The following FRMD4A variants were observed in gnomAD, a reference collection of about 807,000 sequenced individuals.
FRMD4A encodes the protein FERM domain-containing protein 4A.
FRMD4A carries 29 observed loss-of-function variants against 129.1 expected under a neutral mutation model. That is an observed-to-expected ratio of 0.22 (90% CI 0.17 to 0.31). The LOEUF (loss-of-function observed/expected upper bound fraction) is 0.31. Ranked by LOEUF, FRMD4A falls within the 10% of genes least tolerant of loss-of-function variation. The pLI is 1.00. For missense variants in FRMD4A, 1,272 were observed against 1,375.8 expected, an observed-to-expected ratio of 0.92 and a Z score of 1.19; for synonymous variants, 634 against 571.6, an observed-to-expected ratio of 1.11 and a Z score of -1.56.
intron 2 of FRMD4A, among the ~76,000 whole-genome samples, chr10:14,040,443 G>C (rs1490928483): frequency 6.6e-6 from 1 of 152,188 alleles, no homozygotes; most frequent in Non-Finnish European, 1.5e-5. Context: ...GTGTAATGGA[G>C]AGACTCAATA....
chr10:14,161,960 G>C (rs1442928362), intron 2 of FRMD4A, among the ~76,000 whole-genome samples: 1 of 151,188 alleles, frequency 6.6e-6, no homozygotes, highest in Admixed American at 6.6e-5. Context: ...GGCAAAAAAA[G>C]GAATAGTTAA....
At chr10:14,031,603 C>T (rs1052374255) in intron 2 of FRMD4A, among the ~76,000 whole-genome samples, 1 of 152,160 alleles carries the variant, frequency 6.6e-6, no homozygotes. Context: ...AACAGACACA[C>T]AGGATTTAAA....
chr10:14,329,973 C>CA lies in FRMD4A; in HGVS notation c.45+84_45+85insT, dbSNP rs1843449541. The CA allele has an allele frequency of 6.4e-6, 8 of 1,251,790 alleles. No individual in the cohort carries two copies. The East Asian group carries it at 2.0e-4, about 32-fold the overall frequency. The allele number at this position is 1,251,790 out of a possible 1,614,324, so 77.5% of individuals were successfully genotyped here. A position where few individuals can be genotyped will look rare whatever the true frequency, so the allele number is the denominator to read the frequency against. ...GGAGCAATGTTGAACATGTCTGCAGCCACTGCAGCGGCAGCAGCAGCCCAC... is the reference window on the plus strand; with the variant it reads ...GGAGCAATGTTGAACATGTCTGCAGCACACTGCAGCGGCAGCAGCAGCCCAC... On this transcript the variant is annotated intron_variant, in intron 2 of 24. Coordinates refer to ENST00000357447, the MANE Select transcript of FRMD4A (RefSeq NM_018027.5).
At chr10:14,013,628 C>A (rs937609508) in intron 2 of FRMD4A, among the ~76,000 whole-genome samples, 1 of 152,126 alleles carries the variant, frequency 6.6e-6, no homozygotes, top group African/African-American at 2.4e-5. Flanking sequence ...CCATTAGTCC[C>A]AGAGAAAACC....
rs1033996442 is a variant in FRMD4A at position 13,656,759 on chromosome 10, G to A, written c.2830C>T (p.Arg944Cys). The A allele has an allele frequency of 7.5e-6, 12 of 1,599,084 alleles. No homozygotes were observed. Among genetic ancestry groups the A allele is most frequent in the Admixed American group, 5.1e-5 (3 of 58,474 alleles). ...GAGGTGGAGCTGGTGTGCGACAGGCGGCTGTGCTCCTTGTGCGAGGCGGTG... is the reference window on the plus strand; with the variant it reads ...GAGGTGGAGCTGGTGTGCGACAGGCAGCTGTGCTCCTTGTGCGAGGCGGTG... Reference protein sequence around the residue: ...RSTASHKEHSRLSHTSSTSSD... With the variant: ...RSTASHKEHSCLSHTSSTSSD... Residue 944 changes from arginine (R) to cysteine (C), a missense_variant, in exon 22 of 25, where the codon CGC becomes TGC. Arg to Cys is a radical substitution (Grantham distance 180, BLOSUM62 -3). Coordinates refer to ENST00000357447, the MANE Select transcript of FRMD4A (RefSeq NM_018027.5).
At chr10:14,130,496 G>C (rs555654522) in intron 2 of FRMD4A, among the ~76,000 whole-genome samples, 3 of 152,036 alleles carry the variant, frequency 2.0e-5, no homozygotes, top group African/African-American at 7.2e-5. Flanking sequence ...AACAATCCTC[G>C]CACCCCGGCC....
chr10:13,929,026 CCTTTT>C (rs2095165803), intron 2 of FRMD4A, among the ~76,000 whole-genome samples: 1 of 152,180 alleles, frequency 6.6e-6, no homozygotes, highest in African/African-American at 2.4e-5. Flanking sequence ...CGCTTGGCAC[CCTTTT>C]CTTTTTGCGC....
chr10:13,846,192 C>T (rs2094042804), intron 3 of FRMD4A, among the ~76,000 whole-genome samples: 1 of 152,320 alleles, frequency 6.6e-6, no homozygotes, highest in African/African-American at 2.4e-5. Context: ...TTTCCCAAAG[C>T]ATTTGAAATA....
chr10:14,018,674 C>A (rs927491181), intron 2 of FRMD4A, among the ~76,000 whole-genome samples: 2 of 151,956 alleles, frequency 1.3e-5, no homozygotes, highest in Non-Finnish European at 2.9e-5. Context: ...GCCAAGAGAG[C>A]AGGTACAAGA....
intron 3 of FRMD4A, among the ~76,000 whole-genome samples, chr10:13,826,392 ACTTT>A (rs1173497785): frequency 6.6e-6 from 1 of 152,122 alleles, no homozygotes; most frequent in Non-Finnish European, 1.5e-5. Flanking sequence ...TACACAGCAT[ACTTT>A]CTTATTCCCA....
chr10:13,798,618 G>A (rs1288099591), intron 4 of FRMD4A, among the ~76,000 whole-genome samples: 3 of 152,224 alleles, frequency 2.0e-5, no homozygotes, highest in Non-Finnish European at 4.4e-5. Flanking sequence ...TCAGGAGGCT[G>A]AAGCAGGAGA....
chr10:13,658,515 G>T (rs1401720258), intron 21 of FRMD4A, among the ~76,000 whole-genome samples: 7 of 152,196 alleles, frequency 4.6e-5, no homozygotes, highest in African/African-American at 1.4e-4. Flanking sequence ...TCCCACTTCC[G>T]ACTGCCACTC....
At chr10:14,005,213 AG>A (rs2095657864) in intron 2 of FRMD4A, among the ~76,000 whole-genome samples, 1 of 152,066 alleles carries the variant, frequency 6.6e-6, no homozygotes, top group African/African-American at 2.4e-5. Context: ...TAGTACAGAC[AG>A]GGTTTCACCA....
At chr10:13,946,816 A>G (rs910137569) in intron 2 of FRMD4A, among the ~76,000 whole-genome samples, 1 of 152,094 alleles carries the variant, frequency 6.6e-6, no homozygotes, top group African/African-American at 2.4e-5. Flanking sequence ...CCATGTGTCT[A>G]TCTCTCGATG....
intron 2 of FRMD4A, among the ~76,000 whole-genome samples, chr10:14,134,111 A>G (rs1839405848): frequency 6.6e-6 from 1 of 152,200 alleles, no homozygotes; most frequent in Non-Finnish European, 1.5e-5. Flanking sequence ...TTTCTGGTAA[A>G]TAGTCTTGTG....
chr10:14,317,709 AGG>A (rs967184721), intron 2 of FRMD4A, among the ~76,000 whole-genome samples: 3 of 88,346 alleles, frequency 3.4e-5, no homozygotes, highest in Non-Finnish European at 6.9e-5. Context: ...AGGGAAGAGG[AGG>A]GGAGAGGGAA....
At chr10:13,972,165 C>A in intron 2 of FRMD4A, 2 of 1,043,452 alleles carry the variant, frequency 1.9e-6, no homozygotes, top group Non-Finnish European at 2.3e-6. Flanking sequence ...TCAAACAGAA[C>A]TTAGGGAAGA....
chr10:14,070,265 C>T (rs558757178), intron 2 of FRMD4A, among the ~76,000 whole-genome samples: 24 of 152,336 alleles, frequency 1.6e-4, no homozygotes, highest in Admixed American at 1.5e-3. Flanking sequence ...TCTATCCACA[C>T]TTACTGCTCT....
intron 13 of FRMD4A, among the ~76,000 whole-genome samples, chr10:13,701,852 G>A (rs2086863672): frequency 6.6e-6 from 1 of 152,202 alleles, no homozygotes; most frequent in Non-Finnish European, 1.5e-5. Context: ...CTATGAGACA[G>A]GAAATGTGCC....
Sources: allele counts gnomAD v4.1 joint callset (sites outside exome capture counted in the v4.1 genomes callset), GRCh38; gene constraint gnomAD v4.1.1; transcripts MANE v1.5; gene names NCBI Gene and HGNC (gene_info 2026-07-23, HGNC 2026-07-21).